Variants in KLF12 observed in about 807,000 individuals in gnomAD.
The protein encoded by KLF12 is Krueppel-like factor 12.
A neutral mutation model predicts 37.8 loss-of-function variants in KLF12; 9 were observed. The observed-to-expected ratio is 0.24, with a 90% CI of 0.14 to 0.42. The LOEUF (loss-of-function observed/expected upper bound fraction) is 0.42, where lower values mean the gene tolerates loss of function less well. Among genes scored for constraint, KLF12 ranks in the 10% least tolerant of loss-of-function variants. The probability of loss-of-function intolerance (pLI) is 1.00; values close to 1 mark genes in which losing one functional copy is unlikely to be tolerated. For synonymous variants in KLF12, 208 were observed against 202.1 expected, an observed-to-expected ratio of 1.03 and a Z score of -0.25; for missense variants, 411 against 516.0, an observed-to-expected ratio of 0.80 and a Z score of 1.97.
the KLF12 span, among the ~76,000 whole-genome samples, chr13:74,287,349 T>TGAAAGAGA: frequency 9.7e-5 from 7 of 71,866 alleles, no homozygotes; most frequent in African/African-American, 4.3e-4. Flanking sequence ...CTATCAAAGT[T>TGAAAGAGA]GAGAGAGAGA....
At chr13:73,972,873 A>G (rs1191456864) in intron 2 of KLF12, among the ~76,000 whole-genome samples, 1 of 151,734 alleles carries the variant, frequency 6.6e-6, no homozygotes, top group Non-Finnish European at 1.5e-5. Context: ...AATACAATAA[A>G]GAACACGTTT....
the KLF12 span, among the ~76,000 whole-genome samples, chr13:74,255,592 A>G: frequency 6.6e-6 from 1 of 152,228 alleles, no homozygotes; most frequent in Non-Finnish European, 1.5e-5. Flanking sequence ...TGAGAAGGAT[A>G]TCCACAAAAC....
the KLF12 span, among the ~76,000 whole-genome samples, chr13:74,173,011 T>C: frequency 6.6e-6 from 1 of 152,214 alleles, no homozygotes; most frequent in Non-Finnish European, 1.5e-5. Flanking sequence ...CATTCTGAGA[T>C]TCTGGGGCTT....
At chr13:73,774,561 T>C (rs560402059) in intron 5 of KLF12, among the ~76,000 whole-genome samples, 1 of 152,282 alleles carries the variant, frequency 6.6e-6, no homozygotes, top group Admixed American at 6.5e-5. Flanking sequence ...GTCAGTAGTT[T>C]TGTTAATTGT....
intron 1 of KLF12, among the ~76,000 whole-genome samples, chr13:74,039,987 G>A (rs1404655313): frequency 6.6e-6 from 1 of 152,214 alleles, no homozygotes; most frequent in Admixed American, 6.5e-5. Flanking sequence ...AAGACCAAGT[G>A]TGGTTAGTAG....
At chr13:73,946,498 T>C (rs1223328677) in intron 2 of KLF12, among the ~76,000 whole-genome samples, 1 of 152,224 alleles carries the variant, frequency 6.6e-6, no homozygotes, top group Admixed American at 6.5e-5. Context: ...TATATATTCA[T>C]GATGGTTTTT....
At chr13:74,286,766 A>G in the KLF12 span, among the ~76,000 whole-genome samples, 17 of 152,340 alleles carry the variant, frequency 1.1e-4, no homozygotes, top group Middle Eastern at 0.014. Flanking sequence ...AGAGATCTTC[A>G]TCATCATAAT....
At chr13:73,988,445 T>C (rs1217208053) in intron 2 of KLF12, among the ~76,000 whole-genome samples, 1 of 152,226 alleles carries the variant, frequency 6.6e-6, no homozygotes, top group Non-Finnish European at 1.5e-5. Context: ...CAATTTGTCT[T>C]TCTAGCCCAG....
chr13:73,894,117 A>G (rs1342477623), intron 3 of KLF12, among the ~76,000 whole-genome samples: 3 of 152,164 alleles, frequency 2.0e-5, no homozygotes, highest in African/African-American at 7.2e-5. Context: ...TTGTCTGTCA[A>G]TGCCTTCCAT....
At chr13:74,241,844 T>C in the KLF12 span, among the ~76,000 whole-genome samples, 1 of 152,164 alleles carries the variant, frequency 6.6e-6, no homozygotes, top group African/African-American at 2.4e-5. Context: ...GCCCACTGTC[T>C]GGCACTCCGT....
intron 1 of KLF12, among the ~76,000 whole-genome samples, chr13:74,121,996 T>C (rs1566222628): frequency 6.6e-6 from 1 of 151,674 alleles, no homozygotes; most frequent in Non-Finnish European, 1.5e-5. Context: ...AAGACAAAAA[T>C]GGGGGGGAAA....
chr13:73,870,407 A>G (rs1886404953), intron 3 of KLF12, among the ~76,000 whole-genome samples: 2 of 152,230 alleles, frequency 1.3e-5, no homozygotes. Flanking sequence ...ATACATGCCA[A>G]CACAACTTTG....
At chr13:74,091,581 G>A (rs1336978556) in intron 1 of KLF12, among the ~76,000 whole-genome samples, 1 of 152,106 alleles carries the variant, frequency 6.6e-6, no homozygotes, top group South Asian at 2.1e-4. Context: ...TTTACCTACT[G>A]AAGAACATCT....
intron 5 of KLF12, among the ~76,000 whole-genome samples, chr13:73,785,677 T>G (rs1374062729): frequency 6.6e-6 from 1 of 152,150 alleles, no homozygotes; most frequent in Non-Finnish European, 1.5e-5. Context: ...CATTGTTGAC[T>G]TCTCTCTCAT....
chr13:73,926,825 C>G (rs1219273575), intron 3 of KLF12, among the ~76,000 whole-genome samples: 2 of 151,772 alleles, frequency 1.3e-5, no homozygotes, highest in Non-Finnish European at 2.9e-5. Context: ...CAGTGCATAT[C>G]TGTAGAATTG....
At chr13:73,776,667 A>G (rs1163879490) in intron 5 of KLF12, among the ~76,000 whole-genome samples, 3 of 152,212 alleles carry the variant, frequency 2.0e-5, no homozygotes, top group African/African-American at 7.2e-5. Context: ...CCACTGCTTC[A>G]TGCAGGACAA....
intron 1 of KLF12, among the ~76,000 whole-genome samples, chr13:74,083,386 A>C (rs567525043): frequency 7.9e-5 from 12 of 152,146 alleles, no homozygotes; most frequent in African/African-American, 2.7e-4. Flanking sequence ...GCGTGCCTGT[A>C]GTCCCCGCTA....
rs920363795 is a variant in KLF12, at chr13:73,732,186, T to A, written c.870-16661A>T. Among the ~76,000 whole-genome samples the A allele has an allele frequency of 2.6e-5, 4 of 151,480 alleles. No individual in the cohort carries two copies. The South Asian group carries it at 8.3e-4, about 32-fold the overall frequency. On this transcript the variant is annotated intron_variant, in intron 6 of 7. Transcript: ENST00000377669. ...GCAACCTCCACCTCCCGGGTTCAAG[T>A]GATTCTCCTGTCTTAGCTTCCTGAG...
At chr13:74,205,546 G>A in the KLF12 span, among the ~76,000 whole-genome samples, 1 of 152,136 alleles carries the variant, frequency 6.6e-6, no homozygotes, top group Non-Finnish European at 1.5e-5. Context: ...GGCTCACTCT[G>A]ACTTAGCAAA....
Sources: gnomAD v4.1 joint callset for allele counts (sites outside exome capture counted in the v4.1 genomes callset) on GRCh38, gnomAD v4.1.1 for gene constraint, MANE v1.5 for transcripts, NCBI Gene and HGNC (gene_info 2026-07-23, HGNC 2026-07-21) for gene names.